The following CFAP44 variants were observed in gnomAD, a reference collection of about 807,000 sequenced individuals.
CFAP44 encodes the protein cilia- and flagella-associated protein 44.
Under a neutral mutation model 216.2 loss-of-function variants are expected in CFAP44, and 134 were observed. The ratio of observed to expected loss-of-function variants is 0.62; its 90% confidence interval spans 0.54 to 0.72. CFAP44 has a LOEUF of 0.72. CFAP44 is among the 30% of genes least tolerant of loss of function. The pLI is 0.00. For synonymous variants in CFAP44, 700 were observed against 727.6 expected (o/e 0.96, Z 0.61); for missense variants, 2,035 against 2,182.1 (o/e 0.93, Z 1.34).
intron 15 of CFAP44, 69 bp downstream of exon 15, chr3:113,395,681 C>A: frequency 5.1e-6 from 7 of 1,371,600 alleles, no homozygotes; most frequent in Non-Finnish European, 7.0e-6. Context: ...CTGCTATTTT[C>A]TATCTACAAG....
intron 18 of CFAP44, among the ~76,000 whole-genome samples, chr3:113,368,694 ATAACCAGC>A (rs1933044305): frequency 6.6e-6 from 1 of 150,992 alleles, no homozygotes; most frequent in African/African-American, 2.5e-5. Context: ...AACAGGCAAA[ATAACCAGC>A]TAACATCCTA....
chr3:113,400,813 C>G lies in CFAP44; in HGVS notation c.1375-169G>C, dbSNP rs1487722272. The G allele has an allele frequency of 1.1e-5, 7 of 634,392 alleles. No homozygotes were observed. The East Asian group carries it at 1.6e-4, about 15-fold the overall frequency. 39.3% of individuals were successfully genotyped at this position (634,392 alleles called of 1,614,324 possible). A position where few individuals can be genotyped will look rare whatever the true frequency, so the allele number is the denominator to read the frequency against. ...GAACACTGGTTCAGAATTAGGAGAA[C>G]CAGATAGAGTCCTGGGCTTTGTCCT... is the stretch of plus-strand genomic sequence containing the variant. On this transcript the variant is annotated intron_variant, in intron 11 of 34. Transcript: ENST00000393845.
rs375825127 is a variant in CFAP44, at chr3:113,374,331, C to T, written c.2299-775G>A. On this transcript the variant is annotated intron_variant, in intron 17 of 34. Transcript: ENST00000393845. The stretch of plus-strand genomic sequence containing the variant: ...CCAAAAGTGAGCCTGGCATTTGGCA[C>T]TGCTTTACTCCCTGGAGCAACTGTC... Among the ~76,000 whole-genome samples, 3 of 151,906 alleles carry T rather than the reference C, an allele frequency of 2.0e-5. No homozygotes were observed. The East Asian group carries it at 5.8e-4, about 29-fold the overall frequency.
At position 113,363,261 on chromosome 3, in the gene CFAP44, C is replaced by A; in HGVS notation, c.2818G>T (p.Glu940Ter). 1.2e-6 allele frequency: 2 copies of A among 1,612,550 alleles called. No individual in the cohort carries two copies. The highest frequency in any genetic ancestry group is 1.7e-6 in the Non-Finnish European group (2 of 1,179,558). The stretch of plus-strand genomic sequence containing the variant: ...TTCCGTGCCTTTATTTCTCCCACTT[C>A]TTTCATTAACTTGTCATGTTCTCTT... ...RKREHDKLMK[E>*]VGEIKARKRE... The change falls in exon 21 of 35, where the codon GAA becomes TAA. Residue 940 changes from glutamate (E) to a stop codon, truncating the protein, a stop_gained. Coordinates refer to ENST00000393845, the MANE Select transcript of CFAP44 (RefSeq NM_001164496.2). LOFTEE classifies it high-confidence loss of function.
chr3:113,404,491 C>G (rs1348832364), intron 8 of CFAP44, among the ~76,000 whole-genome samples: 2 of 152,178 alleles, frequency 1.3e-5, no homozygotes, highest in African/African-American at 4.8e-5. Flanking sequence ...CCTGTTTAAT[C>G]TGGCATTTTC....
In CFAP44 at chr3:113,326,643, A is replaced by G; in HGVS notation, c.4321-3T>C. The G allele has an allele frequency of 6.8e-7, 1 of 1,463,964 alleles. No homozygotes were observed. Among genetic ancestry groups the G allele is most frequent in the Non-Finnish European group, 9.0e-7 (1 of 1,108,354 alleles). 90.7% of individuals were successfully genotyped at this position (1,463,964 alleles called of 1,614,324 possible). ...TTAAGAGTTTCATTTATTTTCCACTAAATGAATAAAAACAAGGACAAATGA... is the reference window on the plus strand; with the variant it reads ...TTAAGAGTTTCATTTATTTTCCACTGAATGAATAAAAACAAGGACAAATGA... On this transcript the variant is annotated splice_region_variant and splice_polypyrimidine_tract_variant and intron_variant, in intron 27 of 34. Transcript: ENST00000393845.
intron 28 of CFAP44, among the ~76,000 whole-genome samples, chr3:113,311,833 G>A (rs1028323331): frequency 6.6e-6 from 1 of 152,166 alleles, no homozygotes; most frequent in African/African-American, 2.4e-5. Flanking sequence ...GGTCCAGGCT[G>A]AGGTGGTCTC....
chr3:113,304,024 G>A lies in CFAP44; in HGVS notation c.4969C>T (p.His1657Tyr), dbSNP rs1199598073. The A allele has an allele frequency of 2.1e-5, 33 of 1,537,248 alleles. No homozygotes were observed. The highest frequency in any genetic ancestry group is 2.8e-5 in the Non-Finnish European group (32 of 1,146,918). The change falls in exon 32 of 35, where the codon CAT (histidine) becomes TAT (tyrosine). Residue 1657 changes from histidine (H) to tyrosine (Y), a missense_variant. Coordinates refer to ENST00000393845, the MANE Select transcript of CFAP44 (RefSeq NM_001164496.2). The part of the protein sequence containing the change: ...HALRRLQERI[H>Y]ELQEENSKQQ... ...TTGGAATTTTCCTCCTGGAGCTCATGGATTCGTTCTTGCAGCCGTCTCAAG... is the reference window on the plus strand; with the variant it reads ...TTGGAATTTTCCTCCTGGAGCTCATAGATTCGTTCTTGCAGCCGTCTCAAG...
At chr3:113,297,983 C>T (rs146801974) in intron 32 of CFAP44, among the ~76,000 whole-genome samples, 3 of 152,210 alleles carry the variant, frequency 2.0e-5, no homozygotes, top group Non-Finnish European at 4.4e-5. Context: ...GTAAGTAATG[C>T]CCCACGGACA....
chr3:113,412,923 G>T (rs911275611), intron 6 of CFAP44, among the ~76,000 whole-genome samples: 1 of 152,118 alleles, frequency 6.6e-6, no homozygotes, highest in Non-Finnish European at 1.5e-5. Context: ...GGCATTTCTG[G>T]TTGTAGATCC....
At chr3:113,328,348 T>G (rs1950206300) in intron 26 of CFAP44, among the ~76,000 whole-genome samples, 1 of 148,344 alleles carries the variant, frequency 6.7e-6, no homozygotes, top group African/African-American at 2.5e-5. Context: ...CTTTTCCTGA[T>G]AAGAGCCGAA....
intron 6 of CFAP44, among the ~76,000 whole-genome samples, chr3:113,412,416 T>TAAA (rs71134889): frequency 6.8e-6 from 1 of 147,464 alleles, no homozygotes. Context: ...TTATTTCTTC[T>TAAA]AAAAAAAAAA....
rs755345657 is a variant in CFAP44, at chr3:113,291,536, G to A, written c.*21C>T. On this transcript the variant is annotated 3_prime_UTR_variant, in exon 35 of 35. Coordinates refer to ENST00000393845, the MANE Select transcript of CFAP44 (RefSeq NM_001164496.2). ...GTGAGTTATGTCAGAAATCTTGTAT[G>A]GGTTTGAGAAAATAGCAAACTCAAA... 5.9e-6 allele frequency: 9 copies of A among 1,530,758 alleles called. No individual in the cohort carries two copies. The South Asian group carries it at 1.1e-4, about 18-fold the overall frequency. The allele number at this position is 1,530,758 out of a possible 1,614,324, so 94.8% of individuals were successfully genotyped here.
Position 113,287,359 on chromosome 3 carries a change from TA to T in CFAP44, c.*4197del, listed in dbSNP as rs1344338072. 3 of 162,704 alleles carry T rather than the reference TA, an allele frequency of 1.8e-5. No individual in the cohort carries two copies. The highest frequency in any genetic ancestry group is 1.3e-5 in the Non-Finnish European group (1 of 74,200). The allele number at this position is 162,704 out of a possible 1,614,324, so 10.1% of individuals were successfully genotyped here. A position where few individuals can be genotyped will look rare whatever the true frequency, so the allele number is the denominator to read the frequency against. ...AAGATGTGTACAGCACTATGAGCAT[TA>T]AAAAACCTTCCAGAATCAATAATCC... On this transcript the variant is annotated 3_prime_UTR_variant, in exon 35 of 35. Transcript: ENST00000393845.
chr3:113,362,005 G>T (rs1343564757), intron 21 of CFAP44, among the ~76,000 whole-genome samples: 1 of 151,456 alleles, frequency 6.6e-6, no homozygotes, highest in Non-Finnish European at 1.5e-5. Flanking sequence ...ACCACACACT[G>T]AAGGTTCCTC....
chr3:113,304,132 C>T lies in CFAP44; in HGVS notation c.4876-15G>A. ...ACATACTCTATCTACAAGCATAAAA[C>T]AAATCAAAAGAAAATAGACAAAAAC... is the stretch of plus-strand genomic sequence containing the variant. On this transcript the variant is annotated splice_polypyrimidine_tract_variant and intron_variant, in intron 31 of 34. Transcript: ENST00000393845. The T allele has an allele frequency of 6.5e-7, 1 of 1,527,374 alleles. No homozygotes were observed. The allele number at this position is 1,527,374 out of a possible 1,614,324, so 94.6% of individuals were successfully genotyped here.
At chr3:113,302,456 G>GAAAAAA (rs1949944461) in intron 32 of CFAP44, among the ~76,000 whole-genome samples, 1 of 60,354 alleles carries the variant, frequency 1.7e-5, no homozygotes, top group African/African-American at 9.2e-5. Flanking sequence ...ACTAGACAAA[G>GAAAAAA]TAAAAAAAAA....
rs1031654844 is a variant in CFAP44, at chr3:113,400,582, A to G, written c.1437T>C (p.Ser479=). ...TTGTGGCCATGAGATAAGTGAGAGG[A>G]GAAACAGCCACGGCTTCAATAGCTC... ...HSGAIEAVAV[S]PLTYLMATTA... Residue 479 remains serine (S), a synonymous_variant, in exon 12 of 35, where the codon TCT becomes TCC. Coordinates refer to ENST00000393845, the MANE Select transcript of CFAP44 (RefSeq NM_001164496.2). The G allele has an allele frequency of 6.2e-7, 1 of 1,610,866 alleles. No individual in the cohort carries two copies. The highest frequency in any genetic ancestry group is 8.5e-7 in the Non-Finnish European group (1 of 1,178,336).
intron 1 of CFAP44, among the ~76,000 whole-genome samples, chr3:113,438,211 T>C (rs1463265872): frequency 2.0e-5 from 3 of 152,304 alleles, no homozygotes; most frequent in East Asian, 1.9e-4. Context: ...TTGACACATG[T>C]AGGGTTCAAT....
Sources: gnomAD v4.1 joint callset for allele counts (sites outside exome capture counted in the v4.1 genomes callset) on GRCh38, gnomAD v4.1.1 for gene constraint, MANE v1.5 for transcripts, NCBI Gene and HGNC (gene_info 2026-07-23, HGNC 2026-07-21) for gene names.